Variants in SBNO2 observed in about 807,000 individuals in gnomAD.
SBNO2 encodes the protein protein strawberry notch homolog 2.
Under a neutral mutation model 146.3 loss-of-function variants are expected in SBNO2, and 89 were observed. The observed-to-expected ratio is 0.61, with a 90% CI of 0.51 to 0.73. SBNO2 has a LOEUF of 0.73. Ranked by LOEUF, SBNO2 falls within the 30% of genes least tolerant of loss-of-function variation. The probability of loss-of-function intolerance (pLI) is 0.00; values close to 1 mark genes in which losing one functional copy is unlikely to be tolerated. For synonymous variants in SBNO2, 1,147 were observed against 892.6 expected, an observed-to-expected ratio of 1.29 and a Z score of -5.08; for missense variants, 2,092 against 2,003.7, an observed-to-expected ratio of 1.04 and a Z score of -0.84.
chr19:1,171,777 G>C (rs775328938), intron 1 of SBNO2, among the ~76,000 whole-genome samples: 8 of 152,078 alleles, frequency 5.3e-5, no homozygotes, highest in Non-Finnish European at 1.2e-4. Flanking sequence ...GGGGGGTCTA[G>C]GGGTGGCTGG....
chr19:1,109,062 C>G lies in SBNO2; in HGVS notation c.3425+73G>C, dbSNP rs1193310478. ...GAGATCTCCCGCCTCCTCTCAGGGTCTCGGGAGCCCCCGATCCCCGCCTGG... is the reference window on the plus strand; with the variant it reads ...GAGATCTCCCGCCTCCTCTCAGGGTGTCGGGAGCCCCCGATCCCCGCCTGG... On this transcript the variant is annotated intron_variant, in intron 30 of 31. Coordinates refer to ENST00000361757, the MANE Select transcript of SBNO2 (RefSeq NM_014963.3). The surrounding 1 kb of genome is among the most constrained non-coding windows in gnomAD (Gnocchi z 4.2). 3.3e-6 allele frequency: 5 copies of G among 1,524,734 alleles called. No individual in the cohort carries two copies. The highest frequency in any genetic ancestry group is 4.4e-6 in the Non-Finnish European group (5 of 1,136,448). 94.5% of individuals were successfully genotyped at this position (1,524,734 alleles called of 1,614,324 possible). A position where few individuals can be genotyped will look rare whatever the true frequency, so the allele number is the denominator to read the frequency against.
chr19:1,147,231 G>C lies in SBNO2; in HGVS notation c.279+78C>G, dbSNP rs1023644978. ...GAGTCCCAGGCAGGCCTGAGCGAGA[G>C]AGGTCGCAGGGCAGCTGGAGGGGCG... On this transcript the variant is annotated intron_variant, in intron 4 of 31. Transcript: ENST00000361757. 1.1e-4 allele frequency: 104 copies of C among 979,772 alleles called. No homozygotes were observed. In the African/African-American group the frequency reaches 1.7e-3, roughly 16 times the overall value. 60.7% of individuals were successfully genotyped at this position (979,772 alleles called of 1,614,324 possible).
intron 2 of SBNO2, among the ~76,000 whole-genome samples, chr19:1,152,149 G>A (rs1055003119): frequency 3.3e-5 from 5 of 152,206 alleles, no homozygotes; most frequent in African/African-American, 4.8e-5. Flanking sequence ...GCACGGGTGC[G>A]CCCCGGCCTG....
In SBNO2 at chr19:1,112,614, G is replaced by A; in HGVS notation, c.2380-77C>T. ...GTTGCCGCCACCTCCTCACCCACTA[G>A]GCCCCCGCTCCAGGTCACCAGGACG... is the stretch of plus-strand genomic sequence containing the variant. On this transcript the variant is annotated intron_variant, in intron 20 of 31. Transcript: ENST00000361757. This position sits in a 1 kb window ranked among gnomAD's most constrained non-coding sequence, Gnocchi z 5.9. 6.7e-7 allele frequency: 1 copy of A among 1,486,440 alleles called. No individual in the cohort carries two copies. The highest frequency in any genetic ancestry group is 8.9e-7 in the Non-Finnish European group (1 of 1,120,122). The allele number at this position is 1,486,440 out of a possible 1,614,324, so 92.1% of individuals were successfully genotyped here.
intron 1 of SBNO2, among the ~76,000 whole-genome samples, chr19:1,162,886 A>T (rs1370507029): frequency 6.6e-6 from 1 of 151,938 alleles, no homozygotes; most frequent in Non-Finnish European, 1.5e-5. Flanking sequence ...CACATTCCAG[A>T]CTCCAACTGG....
At chr19:1,148,285 A>G (rs2080213171) in intron 3 of SBNO2, among the ~76,000 whole-genome samples, 1 of 151,986 alleles carries the variant, frequency 6.6e-6, no homozygotes, top group Non-Finnish European at 1.5e-5. Flanking sequence ...ACCAGCAGGA[A>G]AGAAGCATCC....
intron 1 of SBNO2, among the ~76,000 whole-genome samples, chr19:1,172,785 C>CCCCCCCCCCCCCCCCCCCCCCCCCA (rs1555730539): frequency 1.1e-5 from 1 of 92,268 alleles, no homozygotes; most frequent in Non-Finnish European, 2.2e-5. Flanking sequence ...ACCGCCCCCC[C>CCCCCCCCCCCCCCCCCCCCCCCCCA]CGCCCCGGCA....
chr19:1,147,867 G>A (rs984297187), intron 3 of SBNO2, among the ~76,000 whole-genome samples: 19 of 152,264 alleles, frequency 1.2e-4, no homozygotes, highest in Admixed American at 8.5e-4. Flanking sequence ...CGTCCTCCAG[G>A]GAGGGCTCAG....
At position 1,147,384 on chromosome 19, in the gene SBNO2, C is replaced by G; in HGVS notation, c.204G>C (p.Gln68His). 1 of 1,468,220 alleles carries G rather than the reference C, an allele frequency of 6.8e-7. No individual in the cohort carries two copies. The highest frequency in any genetic ancestry group is 9.0e-7 in the Non-Finnish European group (1 of 1,115,604). 90.9% of individuals were successfully genotyped at this position (1,468,220 alleles called of 1,614,324 possible). Residue 68 changes from glutamine (Q) to histidine (H), a missense_variant, in exon 4 of 32, where the codon CAG becomes CAC. By Grantham distance (24) the Gln-to-His change is conservative. Coordinates refer to ENST00000361757, the MANE Select transcript of SBNO2 (RefSeq NM_014963.3). ...FMSSASFLGS[Q>H]PCPDTSYAPV... ...GGGCATAGCTGGTGTCTGGGCAGGG[C>G]TGGCTGCCGAGGAAGGAGGCGGAGC...
intron 4 of SBNO2, among the ~76,000 whole-genome samples, chr19:1,133,639 G>A (rs1189359911): frequency 2.0e-5 from 3 of 152,148 alleles, no homozygotes; most frequent in Admixed American, 2.0e-4. Flanking sequence ...CGCCTGCCAG[G>A]CACCCCGCCC....
At chr19:1,115,717 A>T (rs1762912660) in intron 17 of SBNO2, 2 of 502,930 alleles carry the variant, frequency 4.0e-6, no homozygotes, top group Non-Finnish European at 3.6e-6. Context: ...GGAGACCCTG[A>T]AAACGGAAGG....
intron 11 of SBNO2, among the ~76,000 whole-genome samples, chr19:1,121,553 C>G (rs185033043): frequency 6.6e-6 from 1 of 152,204 alleles, no homozygotes; most frequent in Non-Finnish European, 1.5e-5. Flanking sequence ...CCTGCAGGGC[C>G]GAGCACCAGG....
Position 1,108,059 on chromosome 19 carries a change from G to A in SBNO2, c.*161C>T. 4.0e-6 allele frequency: 3 copies of A among 758,254 alleles called. No homozygotes were observed. Among genetic ancestry groups the A allele is most frequent in the South Asian group, 2.3e-5 (1 of 43,524 alleles). 47.0% of individuals were successfully genotyped at this position (758,254 alleles called of 1,614,324 possible). ...AGCTGTCCTGAGTGGGCCCCGCCAG[G>A]GCTGACCAGGTGGGGGCCCGGGTCG... is the stretch of plus-strand genomic sequence containing the variant. On this transcript the variant is annotated 3_prime_UTR_variant, in exon 32 of 32. Coordinates refer to ENST00000361757, the MANE Select transcript of SBNO2 (RefSeq NM_014963.3).
chr19:1,152,907 CTT>C (rs2080255681), intron 2 of SBNO2, among the ~76,000 whole-genome samples: 1 of 152,164 alleles, frequency 6.6e-6, no homozygotes, highest in Admixed American at 6.5e-5. Flanking sequence ...AATCCCAGCA[CTT>C]TGGGAGGTCA....
At chr19:1,127,475 G>A (rs546628875) in intron 5 of SBNO2, 129 bp downstream of exon 5, 9 of 896,868 alleles carry the variant, frequency 1.0e-5, no homozygotes, top group African/African-American at 3.3e-5. Context: ...AGATGGCGCC[G>A]ACAGTGACAG....
At chr19:1,113,798 G>A (rs1049146554) in intron 18 of SBNO2, 94 bp from the exon 19 acceptor site, 7 of 1,370,818 alleles carry the variant, frequency 5.1e-6, no homozygotes, top group Non-Finnish European at 5.6e-6. Flanking sequence ...AAGGACAAGG[G>A]GCCCGGGGCA....
At position 1,109,638 on chromosome 19, in the gene SBNO2, GGCGGGGT is replaced by G; in HGVS notation, c.3123+38_3124-41del. The G allele has an allele frequency of 6.4e-7, 1 of 1,573,180 alleles. No individual in the cohort carries two copies. Among genetic ancestry groups the G allele is most frequent in the Admixed American group, 1.8e-5 (1 of 56,498 alleles). ...GGTGGGGGGGTGTGAGTGTGGTGGG[GGCGGGGT>G]GGGCAGAGTGTGAGGGGCTGTGGGG... On this transcript the variant is annotated intron_variant, in intron 27 of 31. Transcript: ENST00000361757. The surrounding 1 kb of genome is among the most constrained non-coding windows in gnomAD (Gnocchi z 4.2).
At position 1,110,972 on chromosome 19, in the gene SBNO2, G is replaced by A. The variant is rs766053622; in HGVS notation, c.2884+47C>T. 5 of 1,609,644 alleles carry A rather than the reference G, an allele frequency of 3.1e-6. No individual in the cohort carries two copies. In the African/African-American group the frequency reaches 6.7e-5, roughly 22 times the overall value. ...TCACCACCCGAGGCCAAGGTTGCAT[G>A]AGATGAGAGACAGGAGCGCCTCTGG... On this transcript the variant is annotated intron_variant, in intron 25 of 31. Transcript: ENST00000361757. This position sits in a 1 kb window ranked among gnomAD's most constrained non-coding sequence, Gnocchi z 4.9.
chr19:1,161,414 CCTGAGTA>C (rs1440754205), intron 1 of SBNO2, among the ~76,000 whole-genome samples: 22 of 74,096 alleles, frequency 3.0e-4, no homozygotes, highest in African/African-American at 1.2e-3. Context: ...ACTGGGGGTG[CCTGAGTA>C]CTGGGTACTG....
Sources: allele counts gnomAD v4.1 joint callset (sites outside exome capture counted in the v4.1 genomes callset), GRCh38; gene constraint gnomAD v4.1.1; non-coding constraint Gnocchi (gnomAD v3.1); transcripts MANE v1.5; gene names NCBI Gene and HGNC (gene_info 2026-07-23, HGNC 2026-07-21).